The following EPX variants were observed in gnomAD, a reference collection of about 807,000 sequenced individuals.
EPX encodes eosinophil peroxidase.
A neutral mutation model predicts 73.0 loss-of-function variants in EPX; 60 were observed. The observed-to-expected ratio is 0.82, with a 90% confidence interval of 0.67 to 1.02. The LOEUF (loss-of-function observed/expected upper bound fraction) is 1.02. EPX is among the 50% of genes least tolerant of loss of function. EPX has a pLI of 0.00. For synonymous variants in EPX, 347 were observed against 389.2 expected, an observed-to-expected ratio of 0.89 and a Z score of 1.28; for missense variants, 950 against 973.9, an observed-to-expected ratio of 0.98 and a Z score of 0.33.
At chr17:58,194,279 C>T (rs961901307) in intron 5 of EPX, among the ~76,000 whole-genome samples, 187 bp downstream of exon 5, 1 of 152,214 alleles carries the variant, frequency 6.6e-6, no homozygotes, top group Non-Finnish European at 1.5e-5. Flanking sequence ...CTAAAACCTA[C>T]CTCGTAGAGC....
rs753502394 is a variant in EPX, at chr17:58,197,191, G to A, written c.1054G>A (p.Asp352Asn). The A allele has an allele frequency of 1.1e-5, 17 of 1,613,774 alleles. No individual in the cohort carries two copies. The South Asian group carries it at 1.1e-4, about 10-fold the overall frequency. The change falls in exon 7 of 13, where the codon GAC becomes AAC. Residue 352 changes from aspartate to asparagine, a missense_variant. Transcript: ENST00000225371. Reference protein sequence around the residue: ...QDNGRALLPFDNLHDDPCLLT... With the variant: ...QDNGRALLPFNNLHDDPCLLT... The stretch of plus-strand genomic sequence containing the variant: ...CAACGGCCGGGCCCTGCTGCCCTTC[G>A]ACAACCTGCACGATGACCCCTGTCT...
In EPX at chr17:58,199,749, C is replaced by A. The variant is rs200146314; in HGVS notation, c.1492C>A (p.Pro498Thr). ...YRASAPNSHV[P>T]LSSAFFASWR... ...GGCCTCCGCACCCAACTCGCATGTC[C>A]CACTTAGCTCTGCCTTCTTTGCCAG... Residue 498 changes from proline to threonine, a missense_variant, in exon 9 of 13, where the codon CCA becomes ACA. Physicochemically the swap from Pro to Thr is conservative, Grantham distance 38. Coordinates refer to ENST00000225371, the MANE Select transcript of EPX (RefSeq NM_000502.6). 7.4e-6 allele frequency: 12 copies of A among 1,614,206 alleles called. No homozygotes were observed. The African/African-American group carries it at 8.0e-5, about 11-fold the overall frequency.
chr17:58,193,886 T>G, intron 4 of EPX, 55 bp downstream of exon 4: 5 of 1,606,004 alleles, frequency 3.1e-6, no homozygotes, highest in Non-Finnish European at 3.4e-6. Context: ...TCTCCCTTCC[T>G]GCACCCACCC....
Position 58,203,233 on chromosome 17 carries a change from G to A in EPX, c.1861G>A (p.Glu621Lys), listed in dbSNP as rs763093991. Residue 621 changes from glutamate (E) to lysine (K), a missense_variant, in exon 11 of 13, where the codon GAG becomes AAG. By Grantham distance (56) the Glu-to-Lys change is moderately conservative. Coordinates refer to ENST00000225371, the MANE Select transcript of EPX (RefSeq NM_000502.6). ...TGACATCTGGATTGGGGCCATCGCT[G>A]AGCCTCTTTTGCCGGGGGCTCGAGT... ...NIDIWIGAIAEPLLPGARVGP... is the reference protein window; with the variant it reads ...NIDIWIGAIAKPLLPGARVGP... 1.1e-5 allele frequency: 18 copies of A among 1,614,098 alleles called. No individual in the cohort carries two copies. The highest frequency in any genetic ancestry group is 1.6e-4 in the Middle Eastern group (1 of 6,084).
intron 10 of EPX, 38 bp from the exon 11 acceptor site, chr17:58,203,042 TC>T: frequency 6.8e-7 from 1 of 1,469,130 alleles, no homozygotes; most frequent in Non-Finnish European, 9.5e-7. Flanking sequence ...TAATGGGAGA[TC>T]AGCAAGACTG....
intron 9 of EPX, 25 bp from the exon 10 acceptor site, chr17:58,200,200 T>A: frequency 6.2e-7 from 1 of 1,612,920 alleles, no homozygotes; most frequent in Non-Finnish European, 8.5e-7. Flanking sequence ...GTCCAATCTG[T>A]GCTGCTCACA....
chr17:58,193,989 A>T lies in EPX; in HGVS notation c.491A>T (p.Asn164Ile). ...NKRRPLLGAS[N>I]QALARWLPAE... ...AGGAGACCCTTGCTAGGGGCCTCCAACCAGGCTCTGGCTCGCTGGCTGCCC... is the reference window on the plus strand; with the variant it reads ...AGGAGACCCTTGCTAGGGGCCTCCATCCAGGCTCTGGCTCGCTGGCTGCCC... Residue 164 changes from asparagine to isoleucine, a missense_variant, in exon 5 of 13, where the codon AAC (asparagine) becomes ATC (isoleucine). Transcript: ENST00000225371. 1 of 1,613,072 alleles carries T rather than the reference A, an allele frequency of 6.2e-7. No homozygotes were observed. The highest frequency in any genetic ancestry group is 8.5e-7 in the Non-Finnish European group (1 of 1,180,014).
chr17:58,194,207 CA>C (rs1034901754), intron 5 of EPX, 115 bp downstream of exon 5: 260 of 1,076,842 alleles, frequency 2.4e-4, no homozygotes, highest in Admixed American at 7.4e-4. Context: ...CTGACCAGTG[CA>C]GTGACTTGAG....
chr17:58,195,298 C>T, intron 6 of EPX, 128 bp downstream of exon 6: 1 of 789,190 alleles, frequency 1.3e-6, no homozygotes, highest in Admixed American at 1.9e-5. Flanking sequence ...GGGTATGAGA[C>T]AGAGACACAA....
rs1363151140 is a variant in EPX at position 58,193,780 on chromosome 17, C to T, written c.413C>T (p.Ala138Val). ...AGTGGCTGTGCTCTCCGGGACCAGG[C>T]CGAGCGCTGCAGCGACAAGTACCGC... Reference protein sequence around the residue: ...QASGCALRDQAERCSDKYRTI... With the variant: ...QASGCALRDQVERCSDKYRTI... Residue 138 changes from alanine to valine, a missense_variant, in exon 4 of 13, where the codon GCC (alanine) becomes GTC (valine). Coordinates refer to ENST00000225371, the MANE Select transcript of EPX (RefSeq NM_000502.6). The T allele has an allele frequency of 4.3e-6, 7 of 1,612,936 alleles. No homozygotes were observed. Among genetic ancestry groups the T allele is most frequent in the Non-Finnish European group, 5.9e-6 (7 of 1,179,920 alleles).
At position 58,204,442 on chromosome 17, in the gene EPX, G is replaced by A; in HGVS notation, c.*11+8G>A. 2 of 1,586,754 alleles carry A rather than the reference G, an allele frequency of 1.3e-6. No homozygotes were observed. Among genetic ancestry groups the A allele is most frequent in the Non-Finnish European group, 1.7e-6 (2 of 1,155,474 alleles). ...GACATGAGGCTTCTGCAGGTAAGGG[G>A]AGGCCACCTCCAGCACCCTGGGCTG... On this transcript the variant is annotated splice_region_variant and intron_variant, in intron 12 of 12. Transcript: ENST00000225371.
At chr17:58,197,609 C>G (rs897409523) in intron 7 of EPX, among the ~76,000 whole-genome samples, 1 of 152,202 alleles carries the variant, frequency 6.6e-6, no homozygotes, top group South Asian at 2.1e-4. Flanking sequence ...TCAGAAAAGA[C>G]ACTGTCCCTC....
Position 58,193,532 on chromosome 17 carries a change from C to A in EPX, c.332C>A (p.Pro111His). 3.7e-6 allele frequency: 6 copies of A among 1,614,098 alleles called. No homozygotes were observed. The highest frequency in any genetic ancestry group is 5.1e-6 in the Non-Finnish European group (6 of 1,179,984). Residue 111 changes from proline to histidine, a missense_variant, in exon 3 of 13, where the codon CCC becomes CAC. Transcript: ENST00000225371. ...AAGTTACAACCCCAGCGGTCCGGAC[C>A]CTTCAATGTCACTGGTACTCTGATC... ...EEKLQPQRSG[P>H]FNVTDVLTEP... is the part of the protein sequence containing the mutation.
intron 7 of EPX, among the ~76,000 whole-genome samples, chr17:58,198,439 G>C (rs1481173365): frequency 6.6e-6 from 1 of 152,154 alleles, no homozygotes; most frequent in Non-Finnish European, 1.5e-5. Context: ...TTCGGGAGAG[G>C]TCAACTGAAC....
chr17:58,200,935 ATTAAT>A (rs1219626835), intron 10 of EPX, among the ~76,000 whole-genome samples: 2 of 152,238 alleles, frequency 1.3e-5, no homozygotes, highest in African/African-American at 4.8e-5. Context: ...TTTCATGTAT[ATTAAT>A]TTATTTTGTT....
intron 7 of EPX, 96 bp downstream of exon 7, chr17:58,197,353 T>A: frequency 6.9e-7 from 1 of 1,452,842 alleles, no homozygotes; most frequent in Non-Finnish European, 9.5e-7. Context: ...GGTACATGGT[T>A]TGGGACCTCA....
Position 58,200,315 on chromosome 17 carries a change from G to A in EPX, c.1628G>A (p.Arg543Gln), listed in dbSNP as rs189235341. Residue 543 changes from arginine to glutamine, a missense_variant, in exon 10 of 13, where the codon CGG (arginine) becomes CAG (glutamine). Physicochemically the swap from Arg to Gln is conservative, Grantham distance 43 (BLOSUM62 1). Coordinates refer to ENST00000225371, the MANE Select transcript of EPX (RefSeq NM_000502.6). ...DAMLVDELRD[R>Q]LFRQVRRIGL... ...ATGTTAGTGGATGAGCTCCGGGACC[G>A]GCTGTTTCGGCAAGTGAGGAGGATT... 3.2e-5 allele frequency: 52 copies of A among 1,614,196 alleles called. No homozygotes were observed. The East Asian group carries it at 5.3e-4, about 17-fold the overall frequency.
At chr17:58,199,457 A>G (rs1466381191) in intron 8 of EPX, 82 bp from the exon 9 acceptor site, 1 of 1,477,228 alleles carries the variant, frequency 6.8e-7, no homozygotes. Context: ...GACAATAAAG[A>G]ATATGTCTGA....
At position 58,192,760 on chromosome 17, in the gene EPX, T is replaced by TCGAAGTGAGAGGTCGGCTGGGGGC. The variant is rs1968191152; in HGVS notation, c.-86_-85insGAAGTGAGAGGTCGGCTGGGGGCC. 2 of 1,136,880 alleles carry TCGAAGTGAGAGGTCGGCTGGGGGC rather than the reference T, an allele frequency of 1.8e-6. No homozygotes were observed. The highest frequency in any genetic ancestry group is 2.6e-6 in the Non-Finnish European group (2 of 770,506). 70.4% of individuals were successfully genotyped at this position (1,136,880 alleles called of 1,614,324 possible). On this transcript the variant is annotated 5_prime_UTR_variant, in exon 1 of 13. Transcript: ENST00000225371. ...GAGGAAGTGAGAGGTCGGCTGGGGG[T>TCGAAGTGAGAGGTCGGCTGGGGGC]CCTCAAAGTGAGAGGGGAGCAGAGG...
Sources: gnomAD v4.1 joint callset for allele counts (sites outside exome capture counted in the v4.1 genomes callset) on GRCh38, gnomAD v4.1.1 for gene constraint, MANE v1.5 for transcripts, NCBI Gene and HGNC (gene_info 2026-07-23, HGNC 2026-07-21) for gene names.